The following CAMK4 variants were observed in gnomAD, a reference collection of about 807,000 sequenced individuals.
CAMK4 encodes calcium/calmodulin-dependent protein kinase type IV.
A neutral mutation model predicts 44.9 loss-of-function variants in CAMK4; 22 were observed. The ratio of observed to expected loss-of-function variants is 0.49; its 90% CI spans 0.35 to 0.70. The LOEUF is 0.70. Among genes scored for constraint, CAMK4 ranks in the 30% least tolerant of loss-of-function variants. The pLI is 0.01. For synonymous variants in CAMK4, 218 were observed against 215.4 expected (o/e 1.01, Z -0.11); for missense variants, 498 against 586.8 (o/e 0.85, Z 1.56).
At chr5:111,255,611 C>T (rs1316140042) in intron 1 of CAMK4, among the ~76,000 whole-genome samples, 4 of 152,146 alleles carry the variant, frequency 2.6e-5, no homozygotes, top group Admixed American at 6.5e-5. Context: ...ATGATTTTGT[C>T]ACAACCTTAG....
At chr5:111,261,613 T>A (rs190634216) in intron 1 of CAMK4, among the ~76,000 whole-genome samples, 28 of 152,138 alleles carry the variant, frequency 1.8e-4, no homozygotes, top group African/African-American at 6.7e-4. Context: ...CTTCCAAAGT[T>A]GGAAAAGAGC....
intron 9 of CAMK4, 79 bp downstream of exon 9, chr5:111,478,586 A>T (rs1431730539): frequency 3.1e-6 from 2 of 648,678 alleles, no homozygotes; most frequent in African/African-American, 3.8e-5. Flanking sequence ...CAATTTTTTA[A>T]AATTTTACCC....
intron 1 of CAMK4, among the ~76,000 whole-genome samples, chr5:111,270,241 G>A (rs1750448681): frequency 6.6e-6 from 1 of 152,190 alleles, no homozygotes; most frequent in African/African-American, 2.4e-5. Flanking sequence ...GTTGATATAA[G>A]TTCTGTTCTA....
chr5:111,237,281 G>A (rs1481406816), intron 1 of CAMK4, among the ~76,000 whole-genome samples: 3 of 152,194 alleles, frequency 2.0e-5, no homozygotes, highest in African/African-American at 7.2e-5. Context: ...TAAGTGATCA[G>A]GGATACTGTC....
Position 111,429,618 on chromosome 5 carries a change from C to CA in CAMK4, c.460-17060dup, listed in dbSNP as rs376407612. On this transcript the variant is annotated intron_variant, in intron 5 of 10. Transcript: ENST00000282356. ...CGAAACCCGATCTCTACCAAAAATA[C>CA]AAAAAAAATCAGCCAGGCATGGTGG... is the stretch of plus-strand genomic sequence containing the variant. 1.2e-3 allele frequency among the ~76,000 whole-genome samples: 181 copies of CA among 150,342 alleles called. No homozygotes were observed. The Middle Eastern group carries it at 0.017, about 15-fold the overall frequency.
chr5:111,471,894 T>TATTC, intron 7 of CAMK4, among the ~76,000 whole-genome samples: 1 of 151,858 alleles, frequency 6.6e-6, no homozygotes, highest in East Asian at 1.9e-4. Flanking sequence ...CTCACTTATT[T>TATTC]ATTTATTTAT....
At chr5:111,447,490 A>G (rs986634618) in intron 6 of CAMK4, among the ~76,000 whole-genome samples, 1 of 152,248 alleles carries the variant, frequency 6.6e-6, no homozygotes, top group Non-Finnish European at 1.5e-5. Context: ...AAGCATTTTG[A>G]AAAACTATAA....
intron 2 of CAMK4, among the ~76,000 whole-genome samples, chr5:111,345,611 G>A (rs1426174621): frequency 1.3e-5 from 2 of 151,904 alleles, no homozygotes. Context: ...TCATAGTTGA[G>A]GAAACTTTGA....
intron 1 of CAMK4, among the ~76,000 whole-genome samples, chr5:111,319,976 G>A (rs930123507): frequency 2.0e-5 from 3 of 152,114 alleles, no homozygotes. Context: ...ATTAGGTATA[G>A]GAGTGGAAAA....
At chr5:111,318,930 T>G (rs982370444) in intron 1 of CAMK4, among the ~76,000 whole-genome samples, 1 of 152,206 alleles carries the variant, frequency 6.6e-6, no homozygotes, top group African/African-American at 2.4e-5. Flanking sequence ...TTTATTTTTC[T>G]TTTATAACAA....
intron 4 of CAMK4, among the ~76,000 whole-genome samples, chr5:111,392,293 G>A (rs981862422): frequency 3.3e-5 from 5 of 152,066 alleles, no homozygotes; most frequent in Non-Finnish European, 5.9e-5. Flanking sequence ...ATGGCAGAGC[G>A]GGAGAGAGAG....
At chr5:111,242,154 C>T (rs566136064) in intron 1 of CAMK4, among the ~76,000 whole-genome samples, 1 of 152,294 alleles carries the variant, frequency 6.6e-6, no homozygotes, top group East Asian at 1.9e-4. Flanking sequence ...ACATGTTACC[C>T]CCATTTGCTT....
At chr5:111,288,234 G>T (rs1751315111) in intron 1 of CAMK4, among the ~76,000 whole-genome samples, 1 of 152,024 alleles carries the variant, frequency 6.6e-6, no homozygotes, top group South Asian at 2.1e-4. Flanking sequence ...AGTTGGCTTG[G>T]GTCCACATTT....
intron 1 of CAMK4, among the ~76,000 whole-genome samples, chr5:111,271,517 C>CA (rs369986668): frequency 1.5e-4 from 23 of 151,732 alleles, no homozygotes; most frequent in East Asian, 7.7e-4. Flanking sequence ...TGTCACTACT[C>CA]AAAAAAAATA....
intron 5 of CAMK4, among the ~76,000 whole-genome samples, chr5:111,401,312 T>C (rs1752217340): frequency 6.6e-6 from 1 of 152,190 alleles, no homozygotes; most frequent in African/African-American, 2.4e-5. Flanking sequence ...CTAATTTTTG[T>C]ATTTTTAGTA....
intron 1 of CAMK4, among the ~76,000 whole-genome samples, chr5:111,288,427 T>C (rs1751320618): frequency 6.6e-6 from 1 of 152,314 alleles, no homozygotes; most frequent in East Asian, 1.9e-4. Context: ...GTACCACCAA[T>C]AGTGTATGAG....
chr5:111,358,722 A>G (rs489931), intron 2 of CAMK4, among the ~76,000 whole-genome samples: 139,255 of 151,968 alleles, frequency 0.92, 63,905 homozygotes, highest in East Asian at 1. Flanking sequence ...CTCTCCTCCC[A>G]CCCTTCACCT....
At chr5:111,336,056 A>T (rs1749389973) in intron 1 of CAMK4, among the ~76,000 whole-genome samples, 1 of 151,414 alleles carries the variant, frequency 6.6e-6, no homozygotes, top group South Asian at 2.1e-4. Flanking sequence ...AAGTAGTAGA[A>T]ATCAGGCTCA....
At chr5:111,283,487 A>G (rs1203511687) in intron 1 of CAMK4, among the ~76,000 whole-genome samples, 1 of 152,238 alleles carries the variant, frequency 6.6e-6, no homozygotes, top group African/African-American at 2.4e-5. Context: ...GCAGTTCTTT[A>G]AAGAATGCTC....
Sources: allele counts gnomAD v4.1 joint callset (sites outside exome capture counted in the v4.1 genomes callset), GRCh38; gene constraint gnomAD v4.1.1; transcripts MANE v1.5; gene names NCBI Gene and HGNC (gene_info 2026-07-23, HGNC 2026-07-21).